FAM110C: variants seen among roughly 807,000 people sequenced by gnomAD.
FAM110C encodes the protein protein FAM110C.
In FAM110C, 19 loss-of-function variants were observed where a neutral mutation model predicts 15.7. The observed-to-expected ratio is 1.21, with a 90% CI of 0.85 to 1.78. FAM110C has a LOEUF of 1.78. FAM110C is among the 40% of genes most tolerant of loss of function. FAM110C has a pLI of 0.00. For synonymous variants in FAM110C, 275 were observed against 233.9 expected (o/e 1.18, Z -1.61); for missense variants, 547 against 495.7 (o/e 1.10, Z -0.98).
At chr2:43,792 A>T (rs1664194274) in intron 1 of FAM110C, 1 of 985,314 alleles carries the variant, frequency 1.0e-6, no homozygotes, top group African/African-American at 1.7e-5. Flanking sequence ...GAGGGAGCTT[A>T]TTCATAAATT....
chr2:43,911 G>T, intron 1 of FAM110C: 1 of 985,424 alleles, frequency 1.0e-6, no homozygotes, highest in East Asian at 1.1e-4. Flanking sequence ...TGTAGAGGTT[G>T]AAAACCATCC....
Position 46,289 on chromosome 2 carries a change from G to A in FAM110C, c.97C>T (p.Arg33Cys). 2 of 1,349,220 alleles carry A rather than the reference G, an allele frequency of 1.5e-6. No homozygotes were observed. Among genetic ancestry groups the A allele is most frequent in the South Asian group, 3.7e-5 (2 of 53,552 alleles). The allele number at this position is 1,349,220 out of a possible 1,614,324, so 83.6% of individuals were successfully genotyped here. The change falls in exon 1 of 2, where the codon CGC becomes TGC. Residue 33 changes from arginine (R) to cysteine (C), a missense_variant. Arg to Cys is a radical substitution (Grantham distance 180). Transcript: ENST00000327669. ...GCCAGCCTCTCCACTGCGCTCCTGC[G>A]CGCCGGCCGCGCGGCGTCGGGGTCC... is the stretch of plus-strand genomic sequence containing the variant. ...TRDPDAARPARRSAVERLAAD... is the reference protein window; with the variant it reads ...TRDPDAARPACRSAVERLAAD...
chr2:43,767 T>C (rs903593740), intron 1 of FAM110C: 31 of 985,336 alleles, frequency 3.1e-5, no homozygotes, highest in Admixed American at 2.5e-4. Flanking sequence ...TGCCTGCACA[T>C]GCTATGGCTA....
chr2:46,023 G>A lies in FAM110C; in HGVS notation c.363C>T (p.Ser121=). 2 of 1,499,198 alleles carry A rather than the reference G, an allele frequency of 1.3e-6. No homozygotes were observed. The highest frequency in any genetic ancestry group is 1.8e-6 in the Non-Finnish European group (2 of 1,131,828). 92.9% of individuals were successfully genotyped at this position (1,499,198 alleles called of 1,614,324 possible). ...RGSGADGPRA[S]LVKKLFQGPG... ...GCCCCTGGAAGAGCTTCTTCACCAG[G>A]CTTGCCCTGGGGCCGTCGGCGCCCG... Residue 121 remains serine, a synonymous_variant, in exon 1 of 2, where the codon AGC becomes AGT. Coordinates refer to ENST00000327669, the MANE Select transcript of FAM110C (RefSeq NM_001077710.3).
chr2:40,883 TTTTG>T lies in FAM110C; in HGVS notation c.*721_*724del, dbSNP rs1042807558. 6.6e-6 allele frequency: 1 copy of T among 152,208 alleles called. No individual in the cohort carries two copies. Among genetic ancestry groups the T allele is most frequent in the African/African-American group, 2.4e-5 (1 of 41,444 alleles). 9.4% of individuals were successfully genotyped at this position (152,208 alleles called of 1,614,324 possible). ...GAAACTGTCCAGTTGCAATAAAAGGTTTTGTTTATCAGTATTTAAACTCTAACTT... is the reference window on the plus strand; with the variant it reads ...GAAACTGTCCAGTTGCAATAAAAGGTTTTATCAGTATTTAAACTCTAACTT... On this transcript the variant is annotated 3_prime_UTR_variant, in exon 2 of 2. Coordinates refer to ENST00000327669, the MANE Select transcript of FAM110C (RefSeq NM_001077710.3).
chr2:43,286 G>A, intron 1 of FAM110C: 18 of 985,380 alleles, frequency 1.8e-5, no homozygotes, highest in Admixed American at 1.2e-4. Context: ...GCTTCTGTGG[G>A]ACTGTACCCC....
In FAM110C at chr2:40,172, G is replaced by A. The variant is rs953750458; in HGVS notation, c.*1436C>T. The A allele has an allele frequency of 2.0e-5, 3 of 151,998 alleles. No homozygotes were observed. Among genetic ancestry groups the A allele is most frequent in the Non-Finnish European group, 2.9e-5 (2 of 68,008 alleles). 9.4% of individuals were successfully genotyped at this position (151,998 alleles called of 1,614,324 possible). A position where few individuals can be genotyped will look rare whatever the true frequency, so the allele number is the denominator to read the frequency against. On this transcript the variant is annotated 3_prime_UTR_variant, in exon 2 of 2. Coordinates refer to ENST00000327669, the MANE Select transcript of FAM110C (RefSeq NM_001077710.3). ...GAAAAACATGATTTAAAATTATACT[G>A]ACAAAAACTAAAATCATATGAAGTA...
chr2:45,197 G>C, intron 1 of FAM110C: 2 of 985,454 alleles, frequency 2.0e-6, no homozygotes, highest in Non-Finnish European at 2.4e-6. Context: ...CAGGCAGCCA[G>C]ACGCAGCAGA....
Position 45,646 on chromosome 2 carries a change from T to G in FAM110C, c.740A>C (p.Lys247Thr). The change falls in exon 1 of 2, where the codon AAG (lysine) becomes ACG (threonine). Residue 247 changes from lysine to threonine, a missense_variant. Coordinates refer to ENST00000327669, the MANE Select transcript of FAM110C (RefSeq NM_001077710.3). ...GGTGGCGACGCTCACGCTGCGCACC[T>G]TGAGGGTCACACAGTCCGACCCCGC... ...FTAGSDCVTLKVRSVSVATSG... is the reference protein window; with the variant it reads ...FTAGSDCVTLTVRSVSVATSG... 1 of 1,612,290 alleles carries G rather than the reference T, an allele frequency of 6.2e-7. No homozygotes were observed. Among genetic ancestry groups the G allele is most frequent in the Non-Finnish European group, 8.5e-7 (1 of 1,179,488 alleles).
At chr2:41,776 T>C in intron 1 of FAM110C, 149 bp from the exon 2 acceptor site, 1 of 1,351,940 alleles carries the variant, frequency 7.4e-7, no homozygotes. Flanking sequence ...GCGTTTTAAA[T>C]TTTGACAAGA....
In FAM110C at chr2:42,481, C is replaced by A. The variant is rs148034665; in HGVS notation, c.947-854G>T. 1.9e-4 allele frequency: 44 copies of A among 231,660 alleles called. 1 individual carries two copies. The East Asian group carries it at 7.8e-3, about 41-fold the overall frequency. 14.4% of individuals were successfully genotyped at this position (231,660 alleles called of 1,614,324 possible). ...GTCCCTAGTTTGATGAATTGAAAGA[C>A]AGGAAGATGACTACATCACAGCAGA... On this transcript the variant is annotated intron_variant, in intron 1 of 1. Coordinates refer to ENST00000327669, the MANE Select transcript of FAM110C (RefSeq NM_001077710.3).
Position 41,365 on chromosome 2 carries a change from G to A in FAM110C, c.*243C>T. 2 of 414,710 alleles carry A rather than the reference G, an allele frequency of 4.8e-6. No individual in the cohort carries two copies. Among genetic ancestry groups the A allele is most frequent in the Non-Finnish European group, 8.5e-6 (2 of 235,668 alleles). The allele number at this position is 414,710 out of a possible 1,614,324, so 25.7% of individuals were successfully genotyped here. ...TACGGTTTCCAGCTGCCCTCTGGAA[G>A]CAACACTAGTTTCACCTCAAACAAG... On this transcript the variant is annotated 3_prime_UTR_variant, in exon 2 of 2. Transcript: ENST00000327669.
chr2:44,614 G>A (rs1197350633), intron 1 of FAM110C: 5 of 985,258 alleles, frequency 5.1e-6, no homozygotes, highest in African/African-American at 1.7e-5. Flanking sequence ...TTTCCAAGAC[G>A]CCCATAGGGA....
chr2:44,797 A>T, intron 1 of FAM110C: 5 of 985,454 alleles, frequency 5.1e-6, no homozygotes, highest in Non-Finnish European at 6.0e-6. Context: ...TCCCCAGTTT[A>T]AAAACCTGAA....
Position 45,966 on chromosome 2 carries a change from C to A in FAM110C, c.420G>T (p.Thr140=). 6.9e-7 allele frequency: 1 copy of A among 1,446,048 alleles called. No individual in the cohort carries two copies. The highest frequency in any genetic ancestry group is 1.5e-5 in the African/African-American group (1 of 67,324). 89.6% of individuals were successfully genotyped at this position (1,446,048 alleles called of 1,614,324 possible). The change falls in exon 1 of 2, where the codon ACG becomes ACT. Residue 140 remains threonine, a synonymous_variant. Coordinates refer to ENST00000327669, the MANE Select transcript of FAM110C (RefSeq NM_001077710.3). ...GGTTCCCGGCCTTGCCCTCGTCTCC[C>A]GTCCGGGGCACCGGCGCCTTGTCCT... ...PGKDKAPVPR[T]GDEGKAGNPE...
intron 1 of FAM110C, chr2:43,403 A>G (rs1055327767): frequency 5.1e-6 from 5 of 985,386 alleles, no homozygotes; most frequent in African/African-American, 3.5e-5. Context: ...GAAGAAGCCC[A>G]TGAGCCTTTT....
chr2:44,926 A>T, intron 1 of FAM110C: 1 of 985,408 alleles, frequency 1.0e-6, no homozygotes, highest in Non-Finnish European at 1.2e-6. Context: ...GGCCTCCAGG[A>T]AAGTGCAGGG....
chr2:39,023 T>C lies in FAM110C; in HGVS notation c.*2585A>G, dbSNP rs1664057540. ...GGAATGTTCAATAAAGCCTCCTTTT[T>C]CTTCCAGTTTCAGTGCCCAGTAGTT... On this transcript the variant is annotated 3_prime_UTR_variant, in exon 2 of 2. Transcript: ENST00000327669. 6.6e-6 allele frequency: 1 copy of C among 152,214 alleles called. No individual in the cohort carries two copies. The allele number at this position is 152,214 out of a possible 1,614,324, so 9.4% of individuals were successfully genotyped here.
rs1475473554 is a variant in FAM110C at position 45,629 on chromosome 2, C to A, written c.757G>T (p.Val253Phe). 6.2e-7 allele frequency: 1 copy of A among 1,612,932 alleles called. No homozygotes were observed. The highest frequency in any genetic ancestry group is 8.5e-7 in the Non-Finnish European group (1 of 1,179,718). The change falls in exon 1 of 2, where the codon GTC becomes TTC. Residue 253 changes from valine (V) to phenylalanine (F), a missense_variant. By Grantham distance (50) the Val-to-Phe change is conservative. Transcript: ENST00000327669. ...CVTLKVRSVS[V>F]ATSGSGFSRH... ...GAGAAGCCGCTGCCGGAGGTGGCGACGCTCACGCTGCGCACCTTGAGGGTC... is the reference window on the plus strand; with the variant it reads ...GAGAAGCCGCTGCCGGAGGTGGCGAAGCTCACGCTGCGCACCTTGAGGGTC...
Sources: allele counts gnomAD v4.1 joint callset, GRCh38; gene constraint gnomAD v4.1.1; transcripts MANE v1.5; gene names NCBI Gene and HGNC (gene_info 2026-07-23, HGNC 2026-07-21).